Variants in SLC13A4 observed in about 807,000 individuals in gnomAD.
The protein encoded by SLC13A4 is solute carrier family 13 member 4.
SLC13A4 carries 28 observed loss-of-function variants against 72.7 expected under a neutral mutation model. The observed-to-expected ratio is 0.39, with a 90% CI of 0.29 to 0.53. SLC13A4 has a LOEUF of 0.53. SLC13A4 is among the 20% of genes least tolerant of loss of function. The probability of loss-of-function intolerance (pLI) is 0.78; values close to 1 mark genes in which losing one functional copy is unlikely to be tolerated. For synonymous variants in SLC13A4, 312 were observed against 325.5 expected, an observed-to-expected ratio of 0.96 and a Z score of 0.45; for missense variants, 653 against 788.0, an observed-to-expected ratio of 0.83 and a Z score of 2.05.
At position 135,702,851 on chromosome 7, in the gene SLC13A4, G is replaced by A; in HGVS notation, c.627C>T (p.His209=). ...RSNADLTTLM[H]NENLNGVPSI... ...AAAAACCCCAAGGCCATACCTCGTT[G>A]TGCATCAGAGTGGTGAGGTCTGCGT... is the stretch of plus-strand genomic sequence containing the variant. The change falls in exon 6 of 16, where the codon CAC becomes CAT. Residue 209 remains histidine (H), a synonymous_variant. Coordinates refer to ENST00000682651, the MANE Select transcript of SLC13A4 (RefSeq NM_001318192.2). 6.2e-7 allele frequency: 1 copy of A among 1,613,858 alleles called. No individual in the cohort carries two copies. Among genetic ancestry groups the A allele is most frequent in the Non-Finnish European group, 8.5e-7 (1 of 1,179,734 alleles).
At position 135,681,272 on chromosome 7, in the gene SLC13A4, ATTTTCT is replaced by A. The variant is rs1584710579; in HGVS notation, c.*285_*290del. 1.1e-5 allele frequency: 3 copies of A among 280,630 alleles called. No homozygotes were observed. The highest frequency in any genetic ancestry group is 4.4e-5 in the African/African-American group (2 of 45,712). The allele number at this position is 280,630 out of a possible 1,614,324, so 17.4% of individuals were successfully genotyped here. ...CTTCTTTTTTTTTAATTTAATTTTT[ATTTTCT>A]TTTTCTTTTTCTGTGAGCCTATGGC... is the stretch of plus-strand genomic sequence containing the variant. On this transcript the variant is annotated 3_prime_UTR_variant, in exon 16 of 16. Coordinates refer to ENST00000682651, the MANE Select transcript of SLC13A4 (RefSeq NM_001318192.2).
intron 2 of SLC13A4, among the ~76,000 whole-genome samples, chr7:135,714,947 G>A (rs1042968928): frequency 6.6e-6 from 1 of 152,078 alleles, no homozygotes; most frequent in Non-Finnish European, 1.5e-5. Flanking sequence ...GCTGGGCCCA[G>A]GTGAGAGTGT....
chr7:135,701,293 T>C (rs533959428), intron 7 of SLC13A4, among the ~76,000 whole-genome samples: 5 of 152,354 alleles, frequency 3.3e-5, no homozygotes, highest in Non-Finnish European at 5.9e-5. Context: ...ATTCGACTTC[T>C]GCATTTTGTT....
intron 8 of SLC13A4, among the ~76,000 whole-genome samples, chr7:135,697,255 A>G (rs745309984): frequency 6.6e-6 from 1 of 152,252 alleles, no homozygotes; most frequent in Non-Finnish European, 1.5e-5. Context: ...CAGCCTAAGC[A>G]TTAATATTTG....
At chr7:135,683,428 GA>G in intron 15 of SLC13A4, 1 of 982,832 alleles carries the variant, frequency 1.0e-6, no homozygotes, top group Non-Finnish European at 1.2e-6. Flanking sequence ...TGGCTCCCAT[GA>G]AAAAAAATTG....
At chr7:135,682,875 G>T (rs1287929663) in intron 15 of SLC13A4, among the ~76,000 whole-genome samples, 2 of 152,208 alleles carry the variant, frequency 1.3e-5, no homozygotes, top group African/African-American at 2.4e-5. Flanking sequence ...GGAGACAGGA[G>T]AGCTGGGGTA....
rs201593384 is a variant in SLC13A4 at position 135,727,382 on chromosome 7, G to C, written c.99+16C>G. ...ACTGACTCCCAGACCCCCGGTGGGC[G>C]CAGGTCGGTACTCACGCTGCTGGGG... On this transcript the variant is annotated intron_variant, in intron 1 of 15. Coordinates refer to ENST00000682651, the MANE Select transcript of SLC13A4 (RefSeq NM_001318192.2). 33 of 1,547,926 alleles carry C rather than the reference G, an allele frequency of 2.1e-5. No homozygotes were observed. Among genetic ancestry groups the C allele is most frequent in the Non-Finnish European group, 2.9e-5 (33 of 1,146,210 alleles).
rs1796145323 is a variant in SLC13A4, at chr7:135,705,709, G to A, written c.539-59C>T. On this transcript the variant is annotated intron_variant, in intron 4 of 15. Transcript: ENST00000682651. Reference sequence around the variant, plus strand: ...GTGGAGGCTGGGGCTGACCCTGTGGGTTGGAGCATAGCTCAAGGGCTTAGG... The same window carrying A: ...GTGGAGGCTGGGGCTGACCCTGTGGATTGGAGCATAGCTCAAGGGCTTAGG... 5 of 1,501,602 alleles carry A rather than the reference G, an allele frequency of 3.3e-6. No individual in the cohort carries two copies. In the South Asian group the frequency reaches 5.6e-5, roughly 17 times the overall value. 93.0% of individuals were successfully genotyped at this position (1,501,602 alleles called of 1,614,324 possible).
chr7:135,702,217 G>A (rs1401198690), intron 6 of SLC13A4: 4 of 158,880 alleles, frequency 2.5e-5, no homozygotes, highest in Admixed American at 1.9e-4. Context: ...GGAAGTACAG[G>A]TGCACATCAT....
chr7:135,681,671 A>G lies in SLC13A4; in HGVS notation c.1776T>C (p.Ile592=), dbSNP rs373663155. The G allele has an allele frequency of 1.2e-6, 2 of 1,613,804 alleles. No individual in the cohort carries two copies. The highest frequency in any genetic ancestry group is 2.7e-5 in the African/African-American group (2 of 74,930). Reference sequence around the variant, plus strand: ...TGGCCACCATTACTATCACCAGTCCAATAACGTTGACTCCCAGGCCAGCTT... The same window carrying G: ...TGGCCACCATTACTATCACCAGTCCGATAACGTTGACTCCCAGGCCAGCTT... ...MVKAGLGVNV[I]GLVIVMVAIN... Residue 592 remains isoleucine (I), a synonymous_variant, in exon 16 of 16, where the codon ATT becomes ATC. Transcript: ENST00000682651.
chr7:135,715,743 TATC>T (rs2129495217), intron 2 of SLC13A4, among the ~76,000 whole-genome samples: 1 of 152,326 alleles, frequency 6.6e-6, no homozygotes, highest in East Asian at 1.9e-4. Context: ...TTGACACAGG[TATC>T]ATGCCCAGGC....
chr7:135,689,203 A>T (rs1472420384), intron 13 of SLC13A4, among the ~76,000 whole-genome samples: 1 of 152,162 alleles, frequency 6.6e-6, no homozygotes, highest in African/African-American at 2.4e-5. Flanking sequence ...TAAAAAAAAA[A>T]ATAAAATCTT....
At position 135,694,223 on chromosome 7, in the gene SLC13A4, G is replaced by A; in HGVS notation, c.1035C>T (p.Cys345=). ...TGGTCTTCTTCTTCTTGCTCAGAGA[G>A]CAGGTCTCTTTAAAACTGAGAAGGG... ...LFLGCNFKET[C]SLSKKKKTKR... is the part of the protein sequence containing the mutation. Residue 345 remains cysteine, a synonymous_variant, in exon 10 of 16, where the codon TGC becomes TGT. Transcript: ENST00000682651. 6.2e-7 allele frequency: 1 copy of A among 1,609,492 alleles called. No individual in the cohort carries two copies.
chr7:135,687,221 C>T (rs1172328622), intron 13 of SLC13A4, among the ~76,000 whole-genome samples: 2 of 151,694 alleles, frequency 1.3e-5, no homozygotes, highest in Admixed American at 6.6e-5. Flanking sequence ...ATCCTGCCTC[C>T]CTTCCTCTCT....
chr7:135,713,309 A>C (rs1796345109), intron 2 of SLC13A4, among the ~76,000 whole-genome samples: 1 of 152,148 alleles, frequency 6.6e-6, no homozygotes, highest in African/African-American at 2.4e-5. Context: ...CACATCACTG[A>C]ACTTGGAGAG....
chr7:135,691,503 G>A (rs748916307), intron 12 of SLC13A4, 45 bp downstream of exon 12: 1 of 1,552,986 alleles, frequency 6.4e-7, no homozygotes, highest in Admixed American at 1.7e-5. Flanking sequence ...TCTGATTTGG[G>A]TATTCTTCAA....
At chr7:135,686,817 G>A (rs1795637604) in intron 13 of SLC13A4, among the ~76,000 whole-genome samples, 1 of 152,208 alleles carries the variant, frequency 6.6e-6, no homozygotes, top group South Asian at 2.1e-4. Flanking sequence ...AGCACTTTAG[G>A]AGGCTGAGGA....
At chr7:135,713,808 C>A (rs1428596009) in intron 2 of SLC13A4, among the ~76,000 whole-genome samples, 2 of 152,222 alleles carry the variant, frequency 1.3e-5, no homozygotes, top group African/African-American at 2.4e-5. Context: ...AACGCCTGAC[C>A]TTGTGATCCT....
chr7:135,715,079 G>A (rs921861367), intron 2 of SLC13A4, among the ~76,000 whole-genome samples: 6 of 148,028 alleles, frequency 4.1e-5, no homozygotes, highest in Admixed American at 2.0e-4. Context: ...TGTGTATGAT[G>A]TGTGTGTATA....
Sources: allele counts gnomAD v4.1 joint callset (sites outside exome capture counted in the v4.1 genomes callset), GRCh38; gene constraint gnomAD v4.1.1; transcripts MANE v1.5; gene names NCBI Gene and HGNC (gene_info 2026-07-23, HGNC 2026-07-21).